CRHR2: variants seen among roughly 807,000 people sequenced by gnomAD.
CRHR2 encodes corticotropin releasing hormone receptor 2.
In CRHR2, 53 loss-of-function variants were observed where a neutral mutation model predicts 57.9. The ratio of observed to expected loss-of-function variants is 0.92; its 90% confidence interval spans 0.73 to 1.15. The LOEUF (loss-of-function observed/expected upper bound fraction) is 1.15, where lower values mean the gene tolerates loss of function less well. CRHR2 is among the 50% of genes most tolerant of loss of function. The probability of loss-of-function intolerance (pLI) is 0.00; values close to 1 mark genes in which losing one functional copy is unlikely to be tolerated. For synonymous variants in CRHR2, 213 were observed against 220.9 expected, an observed-to-expected ratio of 0.96 and a Z score of 0.32; for missense variants, 532 against 542.6, an observed-to-expected ratio of 0.98 and a Z score of 0.19.
chr7:30,694,452 C>T (rs904354054), intron 1 of CRHR2, among the ~76,000 whole-genome samples: 3 of 152,328 alleles, frequency 2.0e-5, no homozygotes, highest in East Asian at 3.9e-4. Flanking sequence ...TCAAAGGTAT[C>T]GCCTCCCTGG....
intron 2 of CRHR2, among the ~76,000 whole-genome samples, chr7:30,674,591 TGAAGTAATGCAGGGA>T (rs1317968947): frequency 1.3e-5 from 2 of 152,136 alleles, no homozygotes; most frequent in Non-Finnish European, 2.9e-5. Context: ...CTAGTTCCTA[TGAAGTAATGCAGGGA>T]GAAGACAGCT....
chr7:30,677,135 A>G (rs1584119075), intron 2 of CRHR2, among the ~76,000 whole-genome samples: 1 of 152,204 alleles, frequency 6.6e-6, no homozygotes, highest in Non-Finnish European at 1.5e-5. Context: ...GAGGGATGGG[A>G]GTGGGGAGAC....
intron 1 of CRHR2, chr7:30,699,918 C>A: frequency 6.7e-7 from 1 of 1,495,674 alleles, no homozygotes; most frequent in Non-Finnish European, 8.9e-7. Flanking sequence ...CGCCCCACCT[C>A]GTGGACTCCC....
intron 2 of CRHR2, among the ~76,000 whole-genome samples, chr7:30,676,499 C>T (rs1327288289): frequency 6.6e-6 from 1 of 152,210 alleles, no homozygotes; most frequent in Non-Finnish European, 1.5e-5. Flanking sequence ...CACCCCTGCA[C>T]TGCGCCTGTC....
rs141132036 is a variant in CRHR2, at chr7:30,655,752, C to T, written c.918-37G>A. ...AGGTGGACACAGGTCTGAGCCCATG[C>T]GGCAGGCAGGGCCTCACCCAGTGGG... On this transcript the variant is annotated intron_variant, in intron 9 of 11. Transcript: ENST00000471646. The T allele has an allele frequency of 1.1e-3, 1,842 of 1,604,334 alleles. 2 individuals are homozygous for T. Among genetic ancestry groups the T allele is most frequent in the Non-Finnish European group, 1.4e-3 (1,649 of 1,174,534 alleles).
intron 2 of CRHR2, among the ~76,000 whole-genome samples, chr7:30,687,457 AAG>A (rs1462863192): frequency 1.3e-5 from 2 of 152,138 alleles, no homozygotes; most frequent in Non-Finnish European, 2.9e-5. Flanking sequence ...AGAAAAGAAA[AAG>A]AAAATAAAAA....
intron 1 of CRHR2, chr7:30,699,694 C>G (rs1020948825): frequency 1.3e-5 from 3 of 225,910 alleles, no homozygotes; most frequent in Admixed American, 6.2e-5. Flanking sequence ...TTCATCTTCC[C>G]TTCCCCTGCC....
At chr7:30,671,440 G>T (rs910971808) in intron 2 of CRHR2, among the ~76,000 whole-genome samples, 4 of 152,106 alleles carry the variant, frequency 2.6e-5, no homozygotes, top group African/African-American at 7.2e-5. Flanking sequence ...ATGGGGAAAA[G>T]AGTTAATGGG....
At chr7:30,662,926 A>G in intron 5 of CRHR2, 79 bp from the exon 6 acceptor site, 2 of 1,537,556 alleles carry the variant, frequency 1.3e-6, no homozygotes, top group South Asian at 1.2e-5. Context: ...CAGGGCAACA[A>G]GACACAGGGC....
chr7:30,689,673 G>A (rs1368736189), intron 1 of CRHR2, among the ~76,000 whole-genome samples: 1 of 152,230 alleles, frequency 6.6e-6, no homozygotes, highest in African/African-American at 2.4e-5. Flanking sequence ...CACCTACTGT[G>A]TGTCAGGCCC....
Position 30,670,266 on chromosome 7 carries a change from T to C in CRHR2, c.230-2953A>G, listed in dbSNP as rs147260501. The stretch of plus-strand genomic sequence containing the variant: ...CAGTCCACTCTTGTGTCACAATCCA[T>C]AGTTTGAAAAATACAAATTCTGTTT... On this transcript the variant is annotated intron_variant, in intron 2 of 11. Transcript: ENST00000471646. Among the ~76,000 whole-genome samples the C allele has an allele frequency of 1.4e-3, 213 of 152,332 alleles. 1 individual carries two copies. The highest frequency in any genetic ancestry group is 4.6e-3 in the African/African-American group (191 of 41,578).
chr7:30,670,952 A>G (rs2128144245), intron 2 of CRHR2, among the ~76,000 whole-genome samples: 1 of 152,330 alleles, frequency 6.6e-6, no homozygotes, highest in African/African-American at 2.4e-5. Context: ...AGAGTGGCCC[A>G]GGCCTGCCAA....
intron 5 of CRHR2, among the ~76,000 whole-genome samples, 173 bp downstream of exon 5, chr7:30,664,897 A>C (rs1784124810): frequency 6.6e-6 from 1 of 151,812 alleles, no homozygotes; most frequent in African/African-American, 2.4e-5. Flanking sequence ...GCAGAAGTTC[A>C]ACATTAGGAA....
exon 2 of CRHR2, chr7:30,689,218 T>C: frequency 1.3e-6 from 2 of 1,550,338 alleles, no homozygotes; most frequent in Non-Finnish European, 1.7e-6. Flanking sequence ...GTCATGATGG[T>C]GTGGCAGTAC....
chr7:30,660,141 G>A (rs1340688190), intron 8 of CRHR2, among the ~76,000 whole-genome samples: 1 of 152,206 alleles, frequency 6.6e-6, no homozygotes, highest in South Asian at 2.1e-4. Context: ...GGTATTCACC[G>A]CTTCAGGCTG....
intron 1 of CRHR2, among the ~76,000 whole-genome samples, chr7:30,689,984 A>G (rs1784928160): frequency 6.6e-6 from 1 of 152,182 alleles, no homozygotes; most frequent in African/African-American, 2.4e-5. Context: ...ACTAGGGAAG[A>G]TATGTGATTG....
At chr7:30,673,667 G>T (rs1044740575) in intron 2 of CRHR2, among the ~76,000 whole-genome samples, 1 of 152,226 alleles carries the variant, frequency 6.6e-6, no homozygotes, top group Non-Finnish European at 1.5e-5. Context: ...TACAGTCCTA[G>T]TACTAACAGC....
At chr7:30,683,565 C>T (rs1431576402), upstream of CRHR2, among the ~76,000 whole-genome samples, 2 of 152,194 alleles carry the variant, frequency 1.3e-5, no homozygotes, top group Admixed American at 6.5e-5. Context: ...CATGCTTCCA[C>T]TCAGGCTGCA....
intron 2 of CRHR2, among the ~76,000 whole-genome samples, chr7:30,677,137 T>G (rs1045925393): frequency 6.7e-6 from 1 of 148,732 alleles, no homozygotes; most frequent in South Asian, 2.2e-4. Context: ...GGGATGGGAG[T>G]GGGGAGACAG....
Sources: allele counts gnomAD v4.1 joint callset (sites outside exome capture counted in the v4.1 genomes callset), GRCh38; gene constraint gnomAD v4.1.1; transcripts MANE v1.5; gene names NCBI Gene and HGNC (gene_info 2026-07-23, HGNC 2026-07-21).